The following CTNNA2 variants were observed in gnomAD, a reference collection of about 807,000 sequenced individuals.
CTNNA2 encodes catenin alpha 2, also known as catenin alpha-2.
CTNNA2 carries 42 observed loss-of-function variants against 101.0 expected under a neutral mutation model. The observed-to-expected ratio is 0.42, with a 90% confidence interval of 0.32 to 0.54. CTNNA2 has a LOEUF of 0.54. CTNNA2 is among the 20% of genes least tolerant of loss of function. The pLI is 0.14. For missense variants in CTNNA2, 871 were observed against 1,223.1 expected (o/e 0.71, Z 4.29); for synonymous variants, 450 against 456.4 (o/e 0.99, Z 0.18).
chr2:79,630,752 T>G (rs188908295), intron 1 of CTNNA2, among the ~76,000 whole-genome samples: 1 of 152,366 alleles, frequency 6.6e-6, no homozygotes, highest in Non-Finnish European at 1.5e-5. Flanking sequence ...GAACCTTGAT[T>G]GCGATGGTGA....
intron 7 of CTNNA2, among the ~76,000 whole-genome samples, chr2:80,368,036 G>A (rs746941351): frequency 2.6e-4 from 40 of 152,068 alleles, no homozygotes; most frequent in Admixed American, 5.2e-4. Context: ...AATGACTTCT[G>A]AAAGCTTGAC....
At chr2:79,611,004 A>G (rs886604653) in intron 1 of CTNNA2, among the ~76,000 whole-genome samples, 2 of 152,168 alleles carry the variant, frequency 1.3e-5, no homozygotes, top group African/African-American at 4.8e-5. Context: ...TCATTACTGC[A>G]AATGGATATA....
chr2:80,567,491 G>A (rs1187923613), intron 12 of CTNNA2, among the ~76,000 whole-genome samples: 1 of 152,088 alleles, frequency 6.6e-6, no homozygotes, highest in Non-Finnish European at 1.5e-5. Flanking sequence ...CAACTTTAGG[G>A]CCCCAGTAGT....
At chr2:80,448,619 C>A (rs1683249758) in intron 9 of CTNNA2, among the ~76,000 whole-genome samples, 1 of 152,180 alleles carries the variant, frequency 6.6e-6, no homozygotes, top group African/African-American at 2.4e-5. Context: ...ACAGCCAGGG[C>A]TCAGAACACC....
chr2:80,473,397 T>C (rs945774355), intron 9 of CTNNA2, among the ~76,000 whole-genome samples: 6 of 152,246 alleles, frequency 3.9e-5, no homozygotes, highest in African/African-American at 1.2e-4. Context: ...TTTTCTAAAA[T>C]GTCGATTTTC....
At chr2:79,650,533 A>C (rs897395144) in intron 1 of CTNNA2, among the ~76,000 whole-genome samples, 1 of 151,674 alleles carries the variant, frequency 6.6e-6, no homozygotes. Context: ...TGGTGGATTT[A>C]CTTTGCTTCC....
intron 7 of CTNNA2, among the ~76,000 whole-genome samples, chr2:80,229,614 A>G (rs1709080006): frequency 6.6e-6 from 1 of 152,140 alleles, no homozygotes; most frequent in Admixed American, 6.5e-5. Context: ...CCTGAACTCC[A>G]TCCTTTGGGT....
chr2:79,307,985 G>T (rs1676284906), intron 2 of CTNNA2, among the ~76,000 whole-genome samples: 1 of 151,824 alleles, frequency 6.6e-6, no homozygotes, highest in South Asian at 2.1e-4. Context: ...GCATTTTTTT[G>T]ATATATTTAT....
chr2:79,365,446 G>T (rs1451244635), intron 3 of CTNNA2, among the ~76,000 whole-genome samples: 1 of 151,646 alleles, frequency 6.6e-6, no homozygotes, highest in Non-Finnish European at 1.5e-5. Context: ...AACATAGTGG[G>T]AACTCCATCT....
At chr2:80,032,508 T>C (rs1406060678) in intron 7 of CTNNA2, among the ~76,000 whole-genome samples, 1 of 152,176 alleles carries the variant, frequency 6.6e-6, no homozygotes, top group Non-Finnish European at 1.5e-5. Context: ...CAAAATTAAA[T>C]AATTATTCTT....
intron 7 of CTNNA2, among the ~76,000 whole-genome samples, chr2:80,163,562 A>G (rs1704472797): frequency 6.6e-6 from 1 of 152,130 alleles, no homozygotes; most frequent in African/African-American, 2.4e-5. Flanking sequence ...GGACACTTGA[A>G]GAGAATCTGT....
At chr2:79,574,465 G>A (rs1391487542) in intron 1 of CTNNA2, among the ~76,000 whole-genome samples, 3 of 152,106 alleles carry the variant, frequency 2.0e-5, no homozygotes, top group Non-Finnish European at 2.9e-5. Flanking sequence ...GAGAACATGT[G>A]GTATTTGGTT....
At chr2:80,341,971 A>C (rs1263593195) in intron 7 of CTNNA2, among the ~76,000 whole-genome samples, 1 of 152,244 alleles carries the variant, frequency 6.6e-6, no homozygotes, top group Non-Finnish European at 1.5e-5. Context: ...AACATAGACG[A>C]ACCTTAAAAA....
intron 17 of CTNNA2, 113 bp downstream of exon 17, chr2:80,608,431 G>A (rs954360439): frequency 1.8e-6 from 2 of 1,131,390 alleles, no homozygotes; most frequent in Non-Finnish European, 2.4e-6. Flanking sequence ...TTATAGGGAG[G>A]GCTTTTTTTA....
chr2:79,466,287 C>A (rs1336542479), intron 4 of CTNNA2, among the ~76,000 whole-genome samples: 1 of 152,210 alleles, frequency 6.6e-6, no homozygotes, highest in Non-Finnish European at 1.5e-5. Flanking sequence ...ATTGCTAGCA[C>A]AGCAGTCTGA....
intron 15 of CTNNA2, chr2:80,601,861 T>G (rs1697574737): frequency 6.6e-6 from 1 of 152,114 alleles, no homozygotes; most frequent in Non-Finnish European, 1.5e-5. Flanking sequence ...TAACTTCGTG[T>G]GTATTAATGT....
intron 7 of CTNNA2, among the ~76,000 whole-genome samples, chr2:80,369,164 C>T (rs1675221619): frequency 6.6e-6 from 1 of 152,038 alleles, no homozygotes; most frequent in Admixed American, 6.6e-5. Context: ...GATAATCCCA[C>T]CATCTTATTC....
intron 6 of CTNNA2, among the ~76,000 whole-genome samples, chr2:79,905,097 G>C (rs191546472): frequency 0.014 from 2,178 of 152,216 alleles, 153 homozygotes; most frequent in Admixed American, 0.11. Flanking sequence ...TATTGTGGCT[G>C]TTATCTTTAT....
chr2:80,274,873 G>A (rs310776), intron 7 of CTNNA2, among the ~76,000 whole-genome samples: 138,805 of 152,244 alleles, frequency 0.91, 63,431 homozygotes, highest in African/African-American at 0.96. Context: ...CTAGGATTTC[G>A]TAATGCCTTG....
Sources: allele counts gnomAD v4.1 joint callset (sites outside exome capture counted in the v4.1 genomes callset), GRCh38; gene constraint gnomAD v4.1.1; transcripts MANE v1.5; gene names NCBI Gene and HGNC (gene_info 2026-07-23, HGNC 2026-07-21).